PPFIA2: variants seen among roughly 807,000 people sequenced by gnomAD.
The protein encoded by PPFIA2 is liprin-alpha-2.
Under a neutral mutation model 175.5 loss-of-function variants are expected in PPFIA2, and 46 were observed. The observed-to-expected ratio is 0.26, with a 90% confidence interval of 0.21 to 0.34. The LOEUF is 0.34. PPFIA2 is among the 10% of genes least tolerant of loss of function. The pLI, the probability that PPFIA2 is intolerant of heterozygous loss-of-function variation, is 1.00. For missense variants in PPFIA2, 1,179 were observed against 1,506.1 expected, an observed-to-expected ratio of 0.78 and a Z score of 3.60; for synonymous variants, 568 against 511.4, an observed-to-expected ratio of 1.11 and a Z score of -1.49.
chr12:81,598,773 A>G (rs574865052), intron 4 of PPFIA2, among the ~76,000 whole-genome samples: 1 of 152,088 alleles, frequency 6.6e-6, no homozygotes, highest in East Asian at 1.9e-4. Context: ...ACTATCAAAT[A>G]AAATGTACCA....
At position 81,374,647 on chromosome 12, in the gene PPFIA2, G is replaced by T; in HGVS notation, c.1253C>A (p.Ala418Glu). Residue 418 changes from alanine (A) to glutamate (E), a missense_variant, in exon 11 of 33, where the codon GCA (alanine) becomes GAA (glutamate). Transcript: ENST00000549396. The part of the protein sequence containing the change: ...EVEAELAQRI[A>E]ALTKAEERHG... ...CTAGTGCAGTACCTTGGTTAGGGCT[G>T]CAATTCTCTGAGCCAGTTCAGCCTC... 1 of 1,612,626 alleles carries T rather than the reference G, an allele frequency of 6.2e-7. No individual in the cohort carries two copies. The highest frequency in any genetic ancestry group is 8.5e-7 in the Non-Finnish European group (1 of 1,179,210).
At chr12:81,632,309 GT>G (rs2063480832) in intron 4 of PPFIA2, among the ~76,000 whole-genome samples, 1 of 151,932 alleles carries the variant, frequency 6.6e-6, no homozygotes, top group South Asian at 2.1e-4. Flanking sequence ...GGCAATGCTA[GT>G]TTTGTTACTC....
intron 22 of PPFIA2, among the ~76,000 whole-genome samples, chr12:81,311,695 TGCACTCCA>T (rs1199878116): frequency 7.3e-6 from 1 of 137,574 alleles, no homozygotes; most frequent in African/African-American, 2.8e-5. Context: ...ATCGCGCCAC[TGCACTCCA>T]GCCTGGGCAA....
At chr12:81,709,937 G>T (rs2077676798) in intron 3 of PPFIA2, among the ~76,000 whole-genome samples, 1 of 151,818 alleles carries the variant, frequency 6.6e-6, no homozygotes, top group Non-Finnish European at 1.5e-5. Context: ...TATTTTACCA[G>T]TTTCTTCTTA....
chr12:81,305,734 G>A (rs2048981639), intron 22 of PPFIA2, among the ~76,000 whole-genome samples: 1 of 152,144 alleles, frequency 6.6e-6, no homozygotes, highest in Admixed American at 6.5e-5. Context: ...CTGCAGGCAT[G>A]AGCCATGTCT....
At chr12:81,489,745 G>A (rs544063453) in intron 4 of PPFIA2, among the ~76,000 whole-genome samples, 10 of 151,840 alleles carry the variant, frequency 6.6e-5, no homozygotes, top group Non-Finnish European at 1.0e-4. Flanking sequence ...AATAGTGAAA[G>A]TATTGTATTT....
At chr12:81,398,861 TA>T (rs2041642003) in intron 8 of PPFIA2, among the ~76,000 whole-genome samples, 1 of 152,042 alleles carries the variant, frequency 6.6e-6, no homozygotes, top group Admixed American at 6.6e-5. Context: ...TCGACAATAC[TA>T]AGAGTTAAAA....
intron 4 of PPFIA2, among the ~76,000 whole-genome samples, chr12:81,525,934 T>G (rs2063682508): frequency 6.6e-6 from 1 of 152,138 alleles, no homozygotes; most frequent in Non-Finnish European, 1.5e-5. Context: ...CTTAGAAATT[T>G]TCCCACTATT....
At chr12:81,382,181 G>C (rs2037872749) in intron 9 of PPFIA2, among the ~76,000 whole-genome samples, 1 of 152,130 alleles carries the variant, frequency 6.6e-6, no homozygotes, top group Non-Finnish European at 1.5e-5. Context: ...AAAAGGCAGA[G>C]AGAAAAGAAA....
At chr12:81,283,128 A>C in intron 25 of PPFIA2, 89 bp from the exon 26 acceptor site, 1 of 1,197,704 alleles carries the variant, frequency 8.3e-7, no homozygotes. Flanking sequence ...GCAGAAGCAA[A>C]ATTGTTATAC....
At chr12:81,736,322 G>C (rs1167942720) in intron 3 of PPFIA2, among the ~76,000 whole-genome samples, 1 of 151,968 alleles carries the variant, frequency 6.6e-6, no homozygotes, top group Non-Finnish European at 1.5e-5. Flanking sequence ...TATAGATGGA[G>C]TTGTTTTAAC....
At chr12:81,712,003 A>G (rs2153615727) in intron 3 of PPFIA2, among the ~76,000 whole-genome samples, 1 of 151,404 alleles carries the variant, frequency 6.6e-6, no homozygotes. Context: ...TGTGCAAAAG[A>G]AGATTATATT....
At chr12:81,344,517 A>T in intron 19 of PPFIA2, 147 bp downstream of exon 19, 1 of 464,820 alleles carries the variant, frequency 2.2e-6, no homozygotes, top group East Asian at 3.5e-5. Flanking sequence ...TTTCTATTAT[A>T]ATCAAATTTA....
intron 14 of PPFIA2, among the ~76,000 whole-genome samples, chr12:81,364,081 G>A (rs1258432361): frequency 6.6e-6 from 1 of 151,774 alleles, no homozygotes; most frequent in Non-Finnish European, 1.5e-5. Flanking sequence ...TTTCAATAAA[G>A]TGATACTTGG....
intron 3 of PPFIA2, among the ~76,000 whole-genome samples, chr12:81,730,435 G>C (rs1425379674): frequency 6.6e-6 from 1 of 151,580 alleles, no homozygotes; most frequent in Non-Finnish European, 1.5e-5. Flanking sequence ...CTTCTTCACA[G>C]GTGGCAGGAC....
chr12:81,539,305 A>G lies in PPFIA2; in HGVS notation c.304-81439T>C, dbSNP rs1206859286. Among the ~76,000 whole-genome samples the G allele has an allele frequency of 4.6e-5, 7 of 151,868 alleles. No individual in the cohort carries two copies. The South Asian group carries it at 8.3e-4, about 18-fold the overall frequency. On this transcript the variant is annotated intron_variant, in intron 4 of 32. Coordinates refer to ENST00000549396, the MANE Select transcript of PPFIA2 (RefSeq NM_003625.5). Reference sequence around the variant, plus strand: ...TCTGGGCAGGAAATATACATTTGAGAGCCTTGGCCTACAAAATGATATTTA... The same window carrying G: ...TCTGGGCAGGAAATATACATTTGAGGGCCTTGGCCTACAAAATGATATTTA...
At chr12:81,338,725 A>T (rs2057525775) in intron 21 of PPFIA2, among the ~76,000 whole-genome samples, 1 of 152,148 alleles carries the variant, frequency 6.6e-6, no homozygotes, top group Admixed American at 6.6e-5. Context: ...AAACCTTTAA[A>T]TCTACATAGC....
rs139999093 is a variant in PPFIA2, at chr12:81,393,454, A to G, written c.763-9210T>C. Among the ~76,000 whole-genome samples the G allele has an allele frequency of 1.5e-3, 229 of 152,226 alleles. 1 individual carries two copies. The highest frequency in any genetic ancestry group is 2.3e-3 in the African/African-American group (94 of 41,572). ...AAGTAGTCCTTTTAGATGTGTAAATATAAGTCAAGTAGGCTCCCACATCCC... is the reference window on the plus strand; with the variant it reads ...AAGTAGTCCTTTTAGATGTGTAAATGTAAGTCAAGTAGGCTCCCACATCCC... On this transcript the variant is annotated intron_variant, in intron 8 of 32. Transcript: ENST00000549396.
intron 9 of PPFIA2, among the ~76,000 whole-genome samples, chr12:81,382,339 T>A (rs563817738): frequency 5.9e-4 from 89 of 152,132 alleles, no homozygotes; most frequent in African/African-American, 2.1e-3. Flanking sequence ...AGGGTTTTGA[T>A]AATAGTGTAA....
Sources: gnomAD v4.1 joint callset for allele counts (sites outside exome capture counted in the v4.1 genomes callset) on GRCh38, gnomAD v4.1.1 for gene constraint, MANE v1.5 for transcripts, NCBI Gene and HGNC (gene_info 2026-07-23, HGNC 2026-07-21) for gene names.